The following CNTN6 variants were observed in gnomAD, a reference collection of about 807,000 sequenced individuals.
The protein encoded by CNTN6 is contactin-6.
A neutral mutation model predicts 122.8 loss-of-function variants in CNTN6; 137 were observed. The ratio of observed to expected loss-of-function variants is 1.12; its 90% CI spans 0.97 to 1.29. The LOEUF (loss-of-function observed/expected upper bound fraction) is 1.29. Among genes scored for constraint, CNTN6 ranks in the 50% most tolerant of loss-of-function variants. The pLI, the probability that CNTN6 is intolerant of heterozygous loss-of-function variation, is 0.00. For missense variants in CNTN6, 1,634 were observed against 1,223.4 expected (o/e 1.34, Z -5.01); for synonymous variants, 570 against 426.0 (o/e 1.34, Z -4.16).
intron 4 of CNTN6, among the ~76,000 whole-genome samples, chr3:1,267,498 C>T (rs1433042778): frequency 6.6e-6 from 1 of 152,114 alleles, no homozygotes; most frequent in Admixed American, 6.5e-5. Context: ...AGGTCCCCGG[C>T]TCCTGTACCA....
chr3:1,281,718 G>A (rs926461719), intron 5 of CNTN6, among the ~76,000 whole-genome samples: 11 of 152,168 alleles, frequency 7.2e-5, no homozygotes, highest in South Asian at 2.1e-4. Flanking sequence ...GATTACAGGC[G>A]TGAGCCATCG....
At chr3:1,280,169 C>T (rs115842081) in intron 5 of CNTN6, among the ~76,000 whole-genome samples, 3,948 of 151,974 alleles carry the variant, frequency 0.026, 184 homozygotes, top group African/African-American at 0.09. Context: ...TTTGTTTAAT[C>T]GGGAATAAAA....
chr3:1,159,877 G>A (rs563239633), intron 2 of CNTN6, among the ~76,000 whole-genome samples: 49 of 151,916 alleles, frequency 3.2e-4, no homozygotes, highest in Non-Finnish European at 6.2e-4. Flanking sequence ...CTGGAGTACA[G>A]TGGCGCGGTC....
chr3:1,352,358 T>C lies in CNTN6; in HGVS notation c.1399T>C (p.Tyr467His), dbSNP rs1002533360. Residue 467 changes from tyrosine to histidine, a missense_variant, in exon 12 of 23, where the codon TAT becomes CAT. Coordinates refer to ENST00000446702, the MANE Select transcript of CNTN6 (RefSeq NM_001289080.2). ...FLLEDGSLKIYNITRSDAGSY... is the reference protein window; with the variant it reads ...FLLEDGSLKIHNITRSDAGSY... ...CTTGGAGGATGGCAGCCTCAAGATA[T>C]ATAATATTACCAGGTCAGATGCTGG... 4.5e-6 allele frequency: 7 copies of C among 1,570,434 alleles called. No individual in the cohort carries two copies. The highest frequency in any genetic ancestry group is 1.8e-5 in the Admixed American group (1 of 55,278).
chr3:1,328,149 A>C (rs966523614), intron 10 of CNTN6, among the ~76,000 whole-genome samples: 1 of 151,862 alleles, frequency 6.6e-6, no homozygotes, highest in Non-Finnish European at 1.5e-5. Context: ...TTAGAAAAGC[A>C]GAATTTCCCT....
chr3:1,330,126 G>A (rs1483035409), intron 11 of CNTN6, among the ~76,000 whole-genome samples, 191 bp downstream of exon 11: 1 of 151,846 alleles, frequency 6.6e-6, no homozygotes, highest in Non-Finnish European at 1.5e-5. Context: ...ATAAAGACCT[G>A]TTTGTATAAG....
intron 4 of CNTN6, among the ~76,000 whole-genome samples, chr3:1,263,766 T>G (rs1357012059): frequency 6.6e-6 from 1 of 152,010 alleles, no homozygotes; most frequent in African/African-American, 2.4e-5. Flanking sequence ...GTGAAGCTTA[T>G]GGTCTATTTA....
chr3:1,257,700 C>T (rs62229432), intron 4 of CNTN6, among the ~76,000 whole-genome samples: 11,264 of 152,172 alleles, frequency 0.074, 508 homozygotes, highest in Middle Eastern at 0.14. Context: ...AAATAATTTT[C>T]CCTTCACACC....
At chr3:1,125,082 C>T (rs924628430) in intron 1 of CNTN6, among the ~76,000 whole-genome samples, 1 of 151,896 alleles carries the variant, frequency 6.6e-6, no homozygotes, top group African/African-American at 2.4e-5. Flanking sequence ...CTGGAACATT[C>T]AGGAAATGTG....
chr3:1,094,051 T>C (rs987053711), intron 1 of CNTN6, among the ~76,000 whole-genome samples: 1 of 152,204 alleles, frequency 6.6e-6, no homozygotes, highest in South Asian at 2.1e-4. Flanking sequence ...CAGAATCAAT[T>C]TGGAAAATGA....
chr3:1,163,839 G>C (rs1206746297), intron 2 of CNTN6, among the ~76,000 whole-genome samples: 2 of 152,192 alleles, frequency 1.3e-5, no homozygotes, highest in East Asian at 3.8e-4. Context: ...ATTAGCAGCT[G>C]ATGTCGTAAG....
chr3:1,180,950 A>AT lies in CNTN6; in HGVS notation c.55+32895dup, dbSNP rs1326125815. ...TTTAGTTTCTTCCTCACTTGTTCTT[A>AT]TTTTTTTTACTTTTTTTTCTTTGCA... On this transcript the variant is annotated intron_variant, in intron 2 of 22. Coordinates refer to ENST00000446702, the MANE Select transcript of CNTN6 (RefSeq NM_001289080.2). Among the ~76,000 whole-genome samples the AT allele has an allele frequency of 1.8e-4, 28 of 151,386 alleles. No individual in the cohort carries two copies. The East Asian group carries it at 4.9e-3, about 26-fold the overall frequency.
At chr3:1,293,504 C>T (rs1295482395) in intron 5 of CNTN6, among the ~76,000 whole-genome samples, 1 of 152,060 alleles carries the variant, frequency 6.6e-6, no homozygotes, top group Non-Finnish European at 1.5e-5. Context: ...GGTCTCTTCC[C>T]AGCTGAGGAA....
rs1696549892 is a variant in CNTN6 at position 1,297,892 on chromosome 3, T to G, written c.662T>G (p.Val221Gly). ...PTPLVQRTDG[V>G]MGEYEPKIEV... ...TAGCTCTTTTGATATTTAACAGGTG[T>G]GATGGGGGAATATGAACCAAAGATT... The change falls in exon 7 of 23, where the codon GTG becomes GGG. Residue 221 changes from valine to glycine, a missense_variant. Physicochemically the swap from Val to Gly is moderately radical, Grantham distance 109 (BLOSUM62 -3). Coordinates refer to ENST00000446702, the MANE Select transcript of CNTN6 (RefSeq NM_001289080.2). 3.1e-6 allele frequency: 5 copies of G among 1,609,672 alleles called. No individual in the cohort carries two copies. Among genetic ancestry groups the G allele is most frequent in the Non-Finnish European group, 4.2e-6 (5 of 1,177,486 alleles).
chr3:1,329,870 A>G lies in CNTN6; in HGVS notation c.1299A>G (p.Pro433=), dbSNP rs915761658. Residue 433 remains proline, a synonymous_variant, in exon 11 of 23, where the codon CCA becomes CCG. Transcript: ENST00000446702. The part of the protein sequence containing the change: ...VGGDIVIGCK[P]NAFPRAAISW... ...GGGATATTGTTATCGGATGCAAACCAAATGCTTTTCCCAGGGCAGCTATCT... is the reference window on the plus strand; with the variant it reads ...GGGATATTGTTATCGGATGCAAACCGAATGCTTTTCCCAGGGCAGCTATCT... 2.5e-6 allele frequency: 4 copies of G among 1,610,976 alleles called. No individual in the cohort carries two copies. In the East Asian group the frequency reaches 6.7e-5, roughly 27 times the overall value.
At chr3:1,272,467 A>G (rs1033398211) in intron 4 of CNTN6, among the ~76,000 whole-genome samples, 19 of 152,250 alleles carry the variant, frequency 1.2e-4, no homozygotes, top group Admixed American at 1.2e-3. Context: ...CATATATTAA[A>G]AAATGAAAGA....
Position 1,294,531 on chromosome 3 carries a change from A to T in CNTN6, c.455-1070A>T, listed in dbSNP as rs565963297. Among the ~76,000 whole-genome samples the T allele has an allele frequency of 1.8e-4, 27 of 152,298 alleles. No individual in the cohort carries two copies. In the South Asian group the frequency reaches 5.6e-3, roughly 32 times the overall value. On this transcript the variant is annotated intron_variant, in intron 5 of 22. Coordinates refer to ENST00000446702, the MANE Select transcript of CNTN6 (RefSeq NM_001289080.2). ...AGGGGGTATATAATGGTCACAAGTG[A>T]TTAAACGGAACACAAGTTCTGTGCA... is the stretch of plus-strand genomic sequence containing the variant.
chr3:1,304,143 A>T (rs1361527578), intron 7 of CNTN6, among the ~76,000 whole-genome samples: 2 of 152,140 alleles, frequency 1.3e-5, no homozygotes, highest in African/African-American at 2.4e-5. Flanking sequence ...TTTACTACTT[A>T]TGTCTCCCCT....
intron 4 of CNTN6, among the ~76,000 whole-genome samples, chr3:1,273,261 A>G (rs2095055476): frequency 1.3e-5 from 2 of 152,224 alleles, no homozygotes; most frequent in South Asian, 2.1e-4. Context: ...CTATGAGAAT[A>G]TCTCCAAATA....
Sources: allele counts gnomAD v4.1 joint callset (sites outside exome capture counted in the v4.1 genomes callset), GRCh38; gene constraint gnomAD v4.1.1; transcripts MANE v1.5; gene names NCBI Gene and HGNC (gene_info 2026-07-23, HGNC 2026-07-21).